Variants in ASTN2 observed in about 807,000 individuals in gnomAD.
ASTN2 encodes astrotactin 2, also known as astrotactin-2.
A neutral mutation model predicts 139.8 loss-of-function variants in ASTN2; 54 were observed. That is an observed-to-expected ratio of 0.39 (90% CI 0.31 to 0.48). The LOEUF (loss-of-function observed/expected upper bound fraction) is 0.48. Among genes scored for constraint, ASTN2 ranks in the 20% least tolerant of loss-of-function variants. ASTN2 has a pLI of 0.95. For missense variants in ASTN2, 1,565 were observed against 1,725.1 expected (o/e 0.91, Z 1.64); for synonymous variants, 756 against 719.5 (o/e 1.05, Z -0.81).
At chr9:116,832,704 C>A (rs1462566410) in intron 11 of ASTN2, among the ~76,000 whole-genome samples, 2 of 151,768 alleles carry the variant, frequency 1.3e-5, no homozygotes. Context: ...TGTAATAAAC[C>A]CCACTTAGTT....
chr9:116,779,958 T>C (rs1830175270), intron 13 of ASTN2, among the ~76,000 whole-genome samples: 1 of 152,236 alleles, frequency 6.6e-6, no homozygotes, highest in Non-Finnish European at 1.5e-5. Flanking sequence ...ATTAATTATA[T>C]ATTCATGTTT....
intron 22 of ASTN2, chr9:116,437,728 G>C (rs1230290660): frequency 2.6e-6 from 1 of 382,416 alleles, no homozygotes; most frequent in Non-Finnish European, 5.2e-6. Context: ...CTCACACAGC[G>C]GCTTTCATCT....
Position 116,437,447 on chromosome 9 carries a change from C to T in ASTN2, c.3782+3162G>A, listed in dbSNP as rs188351307. The T allele has an allele frequency of 1.4e-3, 672 of 471,304 alleles. 4 individuals are homozygous for T. Among genetic ancestry groups the T allele is most frequent in the Non-Finnish European group, 2.3e-3 (523 of 227,012 alleles). 29.2% of individuals were successfully genotyped at this position (471,304 alleles called of 1,614,324 possible). On this transcript the variant is annotated intron_variant, in intron 22 of 22. Coordinates refer to ENST00000313400, the MANE Select transcript of ASTN2 (RefSeq NM_001365068.1). ...AGCTGGGTGACAGGGTGGGGAGGTT[C>T]GCAGACAGTGGCTGGTGACTGCCTG...
chr9:117,069,290 T>C (rs1828041299), intron 5 of ASTN2, among the ~76,000 whole-genome samples: 1 of 108,372 alleles, frequency 9.2e-6, no homozygotes. Context: ...CAGGAGCAGG[T>C]TGTTCAGTTT....
At chr9:117,244,391 G>T (rs915638408) in intron 2 of ASTN2, among the ~76,000 whole-genome samples, 1 of 152,014 alleles carries the variant, frequency 6.6e-6, no homozygotes, top group Non-Finnish European at 1.5e-5. Context: ...TCATCTGGGA[G>T]GTGTGCCTTA....
At chr9:116,719,453 C>T (rs1828413432) in intron 16 of ASTN2, among the ~76,000 whole-genome samples, 1 of 152,068 alleles carries the variant, frequency 6.6e-6, no homozygotes, top group Admixed American at 6.5e-5. Flanking sequence ...AGTCAGTGCT[C>T]TCAGATCTTG....
chr9:116,605,108 A>C (rs1855122639), intron 19 of ASTN2, among the ~76,000 whole-genome samples: 1 of 152,138 alleles, frequency 6.6e-6, no homozygotes, highest in Non-Finnish European at 1.5e-5. Flanking sequence ...AAAGAAGAAA[A>C]GAAGGAAGGA....
intron 3 of ASTN2, among the ~76,000 whole-genome samples, chr9:117,189,372 T>C (rs1448884052): frequency 6.6e-6 from 1 of 152,128 alleles, no homozygotes; most frequent in African/African-American, 2.4e-5. Context: ...AGAAGTGGTG[T>C]GGTTGAAACG....
At chr9:116,498,771 T>C (rs996838562) in intron 19 of ASTN2, among the ~76,000 whole-genome samples, 1 of 152,206 alleles carries the variant, frequency 6.6e-6, no homozygotes, top group Non-Finnish European at 1.5e-5. Flanking sequence ...TCAGTACTTC[T>C]GATACATATG....
At chr9:116,574,481 A>T (rs1393907036) in intron 19 of ASTN2, among the ~76,000 whole-genome samples, 1 of 152,188 alleles carries the variant, frequency 6.6e-6, no homozygotes, top group Admixed American at 6.5e-5. Flanking sequence ...CTAAGCCCTG[A>T]GGGTGAGCTT....
chr9:116,742,130 A>G (rs1172804553), intron 13 of ASTN2, among the ~76,000 whole-genome samples: 1 of 152,180 alleles, frequency 6.6e-6, no homozygotes, highest in East Asian at 1.9e-4. Flanking sequence ...AAAATGTTAA[A>G]ATGTTTTTCA....
intron 16 of ASTN2, among the ~76,000 whole-genome samples, chr9:116,667,114 C>T (rs1858916168): frequency 6.6e-6 from 1 of 151,570 alleles, no homozygotes; most frequent in Admixed American, 6.6e-5. Context: ...CACCACCACC[C>T]CTGGCTAATT....
intron 3 of ASTN2, among the ~76,000 whole-genome samples, chr9:117,168,469 G>A (rs13284597): frequency 0.23 from 34,548 of 151,910 alleles, 4,816 homozygotes; most frequent in Middle Eastern, 0.36. Context: ...AAGCCAGAGC[G>A]TTGATGAAGT....
chr9:117,329,012 G>C (rs1429793577), intron 1 of ASTN2, among the ~76,000 whole-genome samples: 1 of 152,128 alleles, frequency 6.6e-6, no homozygotes, highest in African/African-American at 2.4e-5. Flanking sequence ...TTCAGAGAAG[G>C]AAAATGTGGC....
At chr9:117,114,378 G>A (rs1160995123) in intron 4 of ASTN2, among the ~76,000 whole-genome samples, 1 of 152,184 alleles carries the variant, frequency 6.6e-6, no homozygotes, top group Non-Finnish European at 1.5e-5. Context: ...CATGAAATTA[G>A]AACACAGACA....
chr9:117,024,443 A>G (rs1298992574), intron 6 of ASTN2, among the ~76,000 whole-genome samples: 1 of 152,086 alleles, frequency 6.6e-6, no homozygotes, highest in East Asian at 1.9e-4. Context: ...AGTATCCTGA[A>G]TAGGGAACAG....
chr9:117,067,922 T>C (rs1176303991), intron 5 of ASTN2, among the ~76,000 whole-genome samples: 1 of 120,962 alleles, frequency 8.3e-6, no homozygotes, highest in African/African-American at 3.1e-5. Flanking sequence ...GACAGTGGGG[T>C]TTTCTAGATA....
At position 116,828,542 on chromosome 9, in the gene ASTN2, C is replaced by T. The variant is rs1343093345; in HGVS notation, c.2041-7759G>A. Among the ~76,000 whole-genome samples the T allele has an allele frequency of 2.0e-5, 3 of 151,978 alleles. 1 individual carries two copies. Among genetic ancestry groups the T allele is most frequent in the African/African-American group, 7.3e-5 (3 of 41,374 alleles). On this transcript the variant is annotated intron_variant, in intron 11 of 22. Transcript: ENST00000313400. ...ATCCTTTGATGATAAAAAAAATCCT[C>T]AACAGAGTAATCATTGAAAATACAC...
chr9:116,807,440 C>CTGCACTGA (rs1208874339), intron 12 of ASTN2, among the ~76,000 whole-genome samples: 1 of 152,210 alleles, frequency 6.6e-6, no homozygotes, highest in East Asian at 1.9e-4. Context: ...CCCTGGCGTA[C>CTGCACTGA]TGCACTGATG....
Sources: gnomAD v4.1 joint callset for allele counts (sites outside exome capture counted in the v4.1 genomes callset) on GRCh38, gnomAD v4.1.1 for gene constraint, MANE v1.5 for transcripts, NCBI Gene and HGNC (gene_info 2026-07-23, HGNC 2026-07-21) for gene names.